The following COL4A1 variants were observed in gnomAD, a reference collection of about 807,000 sequenced individuals.
COL4A1 encodes the protein collagen type IV alpha 1 chain.
A neutral mutation model predicts 216.6 loss-of-function variants in COL4A1; 40 were observed. The observed-to-expected ratio is 0.18, with a 90% CI of 0.14 to 0.24. The LOEUF (loss-of-function observed/expected upper bound fraction) is 0.24. Among genes scored for constraint, COL4A1 ranks in the 10% least tolerant of loss-of-function variants. The probability of loss-of-function intolerance (pLI) is 1.00; values close to 1 mark genes in which losing one functional copy is unlikely to be tolerated. For synonymous variants in COL4A1, 839 were observed against 810.7 expected (o/e 1.03, Z -0.59); for missense variants, 1,628 against 2,196.8 (o/e 0.74, Z 5.18).
chr13:110,164,991 C>A lies in COL4A1; in HGVS notation c.4022-1G>T. ...GGGGGGCCAGGAGGACCCGGGAGAC[C>A]TGTGGGAATAGGGAAGGCATTGATC... On this transcript the variant is annotated splice_acceptor_variant, in intron 45 of 51. Transcript: ENST00000375820. LOFTEE classifies it high-confidence loss of function. 1.2e-6 allele frequency: 2 copies of A among 1,603,858 alleles called. No homozygotes were observed. The highest frequency in any genetic ancestry group is 1.7e-5 in the Admixed American group (1 of 57,878).
At chr13:110,266,525 C>T (rs966306725) in intron 1 of COL4A1, among the ~76,000 whole-genome samples, 3 of 152,070 alleles carry the variant, frequency 2.0e-5, no homozygotes, top group African/African-American at 4.8e-5. Flanking sequence ...AACAGCAGCC[C>T]AAAGAAAGGC....
chr13:110,205,720 G>A (rs906395265), intron 15 of COL4A1, among the ~76,000 whole-genome samples, 182 bp from the exon 16 acceptor site: 1 of 152,052 alleles, frequency 6.6e-6, no homozygotes, highest in Non-Finnish European at 1.5e-5. Flanking sequence ...AAAATTAGCT[G>A]GGTGTGGTGG....
chr13:110,250,018 C>T (rs1326838467), intron 1 of COL4A1, among the ~76,000 whole-genome samples: 1 of 151,924 alleles, frequency 6.6e-6, no homozygotes, highest in Non-Finnish European at 1.5e-5. Flanking sequence ...TAGATGTGAT[C>T]CCAAAGATGT....
At chr13:110,214,602 C>T (rs1452745166) in intron 2 of COL4A1, among the ~76,000 whole-genome samples, 2 of 152,104 alleles carry the variant, frequency 1.3e-5, no homozygotes, top group Non-Finnish European at 2.9e-5. Flanking sequence ...AGAAGAGAGG[C>T]CAATTCTCTC....
At chr13:110,174,401 C>T (rs1594548184) in intron 39 of COL4A1, 45 bp downstream of exon 39, 1 of 1,607,552 alleles carries the variant, frequency 6.2e-7, no homozygotes, top group Non-Finnish European at 8.5e-7. Flanking sequence ...CCCCTGGCCA[C>T]TGTTCTCTAT....
chr13:110,221,257 C>T (rs1246523972), intron 2 of COL4A1, among the ~76,000 whole-genome samples: 4 of 152,138 alleles, frequency 2.6e-5, no homozygotes, highest in African/African-American at 9.7e-5. Context: ...TCTGATAGAT[C>T]CACATTTACA....
intron 1 of COL4A1, among the ~76,000 whole-genome samples, chr13:110,306,318 G>A (rs1884704892): frequency 6.6e-6 from 1 of 152,248 alleles, no homozygotes; most frequent in African/African-American, 2.4e-5. Context: ...AAGGCAACGA[G>A]TTGAGGATGG....
chr13:110,175,254 T>C lies in COL4A1; in HGVS notation c.3162A>G (p.Pro1054=). ...GAKGEKGQAG[P]PGIGIPGLRG... is the part of the protein sequence containing the mutation. ...GCAGCCCTGGGATGCCTATGCCAGGTGGGCCTGCCTGCCCTTTCTCTCCTT... is the reference window on the plus strand; with the variant it reads ...GCAGCCCTGGGATGCCTATGCCAGGCGGGCCTGCCTGCCCTTTCTCTCCTT... The change falls in exon 37 of 52, where the codon CCA becomes CCG. Residue 1054 remains proline (P), a synonymous_variant. Transcript: ENST00000375820. 6.2e-7 allele frequency: 1 copy of C among 1,614,220 alleles called. No homozygotes were observed.
chr13:110,247,795 G>C (rs1203154905), intron 1 of COL4A1, among the ~76,000 whole-genome samples: 1 of 74,848 alleles, frequency 1.3e-5, no homozygotes, highest in African/African-American at 4.6e-5. Flanking sequence ...CTACTCGTGT[G>C]TGTGTGTGTG....
At chr13:110,152,118 T>C (rs1461107022) in intron 51 of COL4A1, among the ~76,000 whole-genome samples, 1 of 152,200 alleles carries the variant, frequency 6.6e-6, no homozygotes, top group Non-Finnish European at 1.5e-5. Flanking sequence ...GACCTTTTTC[T>C]TTCATGGTTC....
chr13:110,301,242 G>A (rs1465713220), intron 1 of COL4A1, among the ~76,000 whole-genome samples: 1 of 152,248 alleles, frequency 6.6e-6, no homozygotes, highest in Non-Finnish European at 1.5e-5. Context: ...CCGGGGGTGG[G>A]GAGGGGGCTC....
rs1883010018 is a variant in COL4A1 at position 110,265,912 on chromosome 13, C to A, written c.85-23178G>T. 2.0e-5 allele frequency: 3 copies of A among 152,176 alleles called. No individual in the cohort carries two copies. In the South Asian group the frequency reaches 6.2e-4, roughly 32 times the overall value. The allele number at this position is 152,176 out of a possible 1,614,324, so 9.4% of individuals were successfully genotyped here. ...AGCCCGCGGGAATTCCTGCGCATCTCCCCAGACTCCACCATGCCTGCTGGG... is the reference window on the plus strand; with the variant it reads ...AGCCCGCGGGAATTCCTGCGCATCTACCCAGACTCCACCATGCCTGCTGGG... On this transcript the variant is annotated intron_variant, in intron 1 of 51. Transcript: ENST00000375820.
At chr13:110,293,247 G>A (rs903561197) in intron 1 of COL4A1, among the ~76,000 whole-genome samples, 1 of 152,216 alleles carries the variant, frequency 6.6e-6, no homozygotes, top group African/African-American at 2.4e-5. Context: ...CTAGAGAAGT[G>A]TTTCTGGACG....
At chr13:110,153,513 C>T (rs2138418737) in intron 50 of COL4A1, among the ~76,000 whole-genome samples, 1 of 152,334 alleles carries the variant, frequency 6.6e-6, no homozygotes, top group African/African-American at 2.4e-5. Flanking sequence ...CTTTCTCTGA[C>T]ACACAGAGAT....
At position 110,237,997 on chromosome 13, in the gene COL4A1, T is replaced by C. The variant is rs183282036; in HGVS notation, c.144+4678A>G. On this transcript the variant is annotated intron_variant, in intron 2 of 51. Coordinates refer to ENST00000375820, the MANE Select transcript of COL4A1 (RefSeq NM_001845.6). Reference sequence around the variant, plus strand: ...TCCAGCCTTTTCAAATCAGATAAGATACACATTTTAGACAGACAGATAGCA... The same window carrying C: ...TCCAGCCTTTTCAAATCAGATAAGACACACATTTTAGACAGACAGATAGCA... Among the ~76,000 whole-genome samples the C allele has an allele frequency of 1.5e-3, 231 of 152,348 alleles. 1 individual carries two copies. Among genetic ancestry groups the C allele is most frequent in the Non-Finnish European group, 2.7e-3 (182 of 68,030 alleles).
At position 110,179,403 on chromosome 13, in the gene COL4A1, G is replaced by C; in HGVS notation, c.2212C>G (p.Leu738Val). Residue 738 changes from leucine to valine, a missense_variant, in exon 30 of 52, where the codon CTA becomes GTA. Around this residue, in one of 8 missense-constraint regions of COL4A1, gnomAD observed 701 missense variants for 892.5 expected, o/e 0.79. Transcript: ENST00000375820. The stretch of plus-strand genomic sequence containing the variant: ...CCTGGCAAACCTTTGAGTCCCGGTA[G>C]ACCAACTCCAGGCTCTCCCTGAAAA... ...QGQKGEPGVG[L>V]PGLKGLPGLP... 6.2e-7 allele frequency: 1 copy of C among 1,614,110 alleles called. No individual in the cohort carries two copies. The highest frequency in any genetic ancestry group is 8.5e-7 in the Non-Finnish European group (1 of 1,180,028).
At chr13:110,294,835 TTC>T (rs1884207863) in intron 1 of COL4A1, among the ~76,000 whole-genome samples, 2 of 152,244 alleles carry the variant, frequency 1.3e-5, no homozygotes, top group Non-Finnish European at 2.9e-5. Context: ...AGCAATTCTT[TTC>T]TGTTTGTCTC....
chr13:110,297,916 G>T (rs1337356746), intron 1 of COL4A1, among the ~76,000 whole-genome samples: 3 of 149,392 alleles, frequency 2.0e-5, no homozygotes, highest in Non-Finnish European at 4.4e-5. Flanking sequence ...TTTTACTTTC[G>T]CTGATGTAAA....
At chr13:110,306,682 G>C (rs560962368) in intron 1 of COL4A1, among the ~76,000 whole-genome samples, 8 of 152,354 alleles carry the variant, frequency 5.3e-5, no homozygotes, top group African/African-American at 1.4e-4. Flanking sequence ...CCCCGCCACA[G>C]CGCGGGCTGT....
Sources: gnomAD v4.1 joint callset for allele counts (sites outside exome capture counted in the v4.1 genomes callset) on GRCh38, gnomAD v4.1.1 for gene constraint, gnomAD v4.1.1 regional missense constraint, MANE v1.5 for transcripts, NCBI Gene and HGNC (gene_info 2026-07-23, HGNC 2026-07-21) for gene names.